Variants in ITGBL1 observed in about 807,000 individuals in gnomAD.
The protein encoded by ITGBL1 is integrin beta-like protein 1.
ITGBL1 carries 51 observed loss-of-function variants against 68.5 expected under a neutral mutation model. That is an observed-to-expected ratio of 0.74 (90% CI 0.59 to 0.94). The LOEUF (loss-of-function observed/expected upper bound fraction) is 0.94, where lower values mean the gene tolerates loss of function less well. Ranked by LOEUF, ITGBL1 falls within the 40% of genes least tolerant of loss-of-function variation. The pLI is 0.00. For missense variants in ITGBL1, 649 were observed against 647.4 expected (o/e 1.00, Z -0.03); for synonymous variants, 209 against 227.3 (o/e 0.92, Z 0.72).
intron 2 of ITGBL1, among the ~76,000 whole-genome samples, chr13:101,479,623 T>C (rs1049792894): frequency 2.0e-5 from 3 of 150,844 alleles, no homozygotes; most frequent in Non-Finnish European, 3.0e-5. Flanking sequence ...AAAAAAAAAA[T>C]CTAAAAATCC....
At chr13:101,705,771 A>G (rs1213227836) in intron 8 of ITGBL1, among the ~76,000 whole-genome samples, 5 of 152,304 alleles carry the variant, frequency 3.3e-5, no homozygotes, top group Admixed American at 2.6e-4. Flanking sequence ...AACGGTGTCA[A>G]CAGCTTCAGA....
intron 7 of ITGBL1, among the ~76,000 whole-genome samples, chr13:101,670,325 G>A (rs2033326339): frequency 6.6e-6 from 1 of 152,122 alleles, no homozygotes; most frequent in Non-Finnish European, 1.5e-5. Flanking sequence ...TTATTTAAAT[G>A]GACTTCCATA....
At chr13:101,501,139 C>T (rs992081583) in intron 2 of ITGBL1, among the ~76,000 whole-genome samples, 4 of 152,166 alleles carry the variant, frequency 2.6e-5, no homozygotes, top group Non-Finnish European at 2.9e-5. Context: ...TGCTATTTGG[C>T]TTAATTGATG....
intron 7 of ITGBL1, among the ~76,000 whole-genome samples, chr13:101,621,740 G>A (rs1009254534): frequency 6.6e-6 from 1 of 152,124 alleles, no homozygotes; most frequent in African/African-American, 2.4e-5. Flanking sequence ...GTCTCAAAAA[G>A]TCTTCTCTTG....
At chr13:101,575,288 A>T (rs747389073) in intron 3 of ITGBL1, 136 bp from the exon 4 acceptor site, 96 of 817,344 alleles carry the variant, frequency 1.2e-4, no homozygotes, top group Non-Finnish European at 1.6e-4. Flanking sequence ...TTACCTCACC[A>T]TGCCCACAGA....
At chr13:101,570,317 T>G (rs2050252078) in intron 3 of ITGBL1, among the ~76,000 whole-genome samples, 1 of 152,166 alleles carries the variant, frequency 6.6e-6, no homozygotes, top group Non-Finnish European at 1.5e-5. Context: ...TTTTGTTTTT[T>G]GTTTTGTTTT....
At chr13:101,554,277 A>C (rs1308434703) in intron 2 of ITGBL1, among the ~76,000 whole-genome samples, 2 of 152,176 alleles carry the variant, frequency 1.3e-5, no homozygotes, top group African/African-American at 4.8e-5. Context: ...CACTGATGAC[A>C]GAATGTTATT....
chr13:101,632,343 A>G (rs1259615957), intron 7 of ITGBL1, among the ~76,000 whole-genome samples: 1 of 152,128 alleles, frequency 6.6e-6, no homozygotes, highest in Admixed American at 6.5e-5. Flanking sequence ...ATAAATTAAA[A>G]CCCCAATGAG....
In ITGBL1 at chr13:101,591,834, T is replaced by C. The variant is rs78318340; in HGVS notation, c.869-6319T>C. 9.0e-3 allele frequency among the ~76,000 whole-genome samples: 1,375 copies of C among 152,296 alleles called. 22 individuals carry two copies. The highest frequency in any genetic ancestry group is 0.031 in the African/African-American group (1,299 of 41,568). On this transcript the variant is annotated intron_variant, in intron 6 of 10. Transcript: ENST00000376180. ...AATTATAGAAATCTACTTTGTTCTATATCTGCGGTGATGAGTAGCTTCATG... is the reference window on the plus strand; with the variant it reads ...AATTATAGAAATCTACTTTGTTCTACATCTGCGGTGATGAGTAGCTTCATG...
intron 7 of ITGBL1, among the ~76,000 whole-genome samples, chr13:101,620,134 A>G (rs561783159): frequency 6.6e-6 from 1 of 152,268 alleles, no homozygotes; most frequent in African/African-American, 2.4e-5. Flanking sequence ...ATTATGGCCT[A>G]AATTGTTTTA....
chr13:101,500,584 A>G (rs2048926093), intron 2 of ITGBL1, among the ~76,000 whole-genome samples: 1 of 152,214 alleles, frequency 6.6e-6, no homozygotes, highest in African/African-American at 2.4e-5. Flanking sequence ...TCAGAAAAAG[A>G]AAGAACTCGA....
At chr13:101,521,837 C>CA (rs2049290315) in intron 2 of ITGBL1, among the ~76,000 whole-genome samples, 1 of 149,136 alleles carries the variant, frequency 6.7e-6, no homozygotes. Flanking sequence ...CCTTTTCTTG[C>CA]TTTTTTTTTT....
intron 8 of ITGBL1, among the ~76,000 whole-genome samples, chr13:101,705,918 C>T (rs1353614115): frequency 1.3e-5 from 2 of 152,126 alleles, no homozygotes; most frequent in African/African-American, 4.8e-5. Flanking sequence ...AGTAACTCTT[C>T]GCTAGGCAAA....
At chr13:101,498,997 A>G (rs1325105350) in intron 2 of ITGBL1, among the ~76,000 whole-genome samples, 1 of 152,136 alleles carries the variant, frequency 6.6e-6, no homozygotes, top group East Asian at 1.9e-4. Context: ...TACCACTAGA[A>G]CAGTATGGGG....
In ITGBL1 at chr13:101,639,554, C is replaced by A. The variant is rs1435373641; in HGVS notation, c.1015+41255C>A. Among the ~76,000 whole-genome samples the A allele has an allele frequency of 3.3e-5, 5 of 152,136 alleles. No individual in the cohort carries two copies. In the East Asian group the frequency reaches 9.6e-4, roughly 29 times the overall value. ...TAAATATTTACTTTTAAGATTTATT[C>A]TAAAACAAAATAGTTTACTACATTG... is the stretch of plus-strand genomic sequence containing the variant. On this transcript the variant is annotated intron_variant, in intron 7 of 10. Transcript: ENST00000376180.
rs7339404 is a variant in ITGBL1 at position 101,590,700 on chromosome 13, G to A, written c.868+7344G>A. Among the ~76,000 whole-genome samples, 611 of 152,002 alleles carry A rather than the reference G, an allele frequency of 4.0e-3. 8 individuals are homozygous for A. Among genetic ancestry groups the A allele is most frequent in the African/African-American group, 0.014 (571 of 41,300 alleles). On this transcript the variant is annotated intron_variant, in intron 6 of 10. Coordinates refer to ENST00000376180, the MANE Select transcript of ITGBL1 (RefSeq NM_004791.3). The stretch of plus-strand genomic sequence containing the variant: ...TACTTTGCCCAGTTTCCTCACAACA[G>A]ATCTGTCGCTGAAATAAAACCACTT...
chr13:101,594,274 C>A (rs908304795), intron 6 of ITGBL1, among the ~76,000 whole-genome samples: 1 of 151,976 alleles, frequency 6.6e-6, no homozygotes, highest in African/African-American at 2.4e-5. Flanking sequence ...TAGAAATAAA[C>A]CCATACATTT....
At chr13:101,610,035 A>T (rs2031050339) in intron 7 of ITGBL1, among the ~76,000 whole-genome samples, 1 of 152,194 alleles carries the variant, frequency 6.6e-6, no homozygotes, top group Admixed American at 6.6e-5. Flanking sequence ...ATTTGAAATG[A>T]AAATAGAAAA....
intron 6 of ITGBL1, among the ~76,000 whole-genome samples, chr13:101,590,672 C>T (rs973367928): frequency 3.3e-5 from 5 of 152,162 alleles, no homozygotes; most frequent in Non-Finnish European, 7.3e-5. Context: ...TCAGCATGTT[C>T]TGTACTTTGC....
Sources: allele counts gnomAD v4.1 joint callset (sites outside exome capture counted in the v4.1 genomes callset), GRCh38; gene constraint gnomAD v4.1.1; transcripts MANE v1.5; gene names NCBI Gene and HGNC (gene_info 2026-07-23, HGNC 2026-07-21).